The following SPAG16 variants were observed in gnomAD, a reference collection of about 807,000 sequenced individuals.
SPAG16 encodes sperm-associated antigen 16 protein.
Under a neutral mutation model 80.4 loss-of-function variants are expected in SPAG16, and 86 were observed. The observed-to-expected ratio is 1.07, with a 90% CI of 0.90 to 1.28. The LOEUF is 1.28. Ranked by LOEUF, SPAG16 falls within the 50% of genes most tolerant of loss-of-function variation. The probability of loss-of-function intolerance (pLI) is 0.00; values close to 1 mark genes in which losing one functional copy is unlikely to be tolerated. For missense variants in SPAG16, 870 were observed against 765.3 expected (o/e 1.14, Z -1.61); for synonymous variants, 294 against 265.9 (o/e 1.11, Z -1.03).
intron 10 of SPAG16, among the ~76,000 whole-genome samples, chr2:213,760,020 G>T (rs1251722868): frequency 6.6e-6 from 1 of 151,578 alleles, no homozygotes; most frequent in Admixed American, 6.6e-5. Context: ...GGGTGACAAA[G>T]CAAGACTCTG....
intron 13 of SPAG16, among the ~76,000 whole-genome samples, chr2:214,087,573 G>A (rs539123882): frequency 6.6e-6 from 1 of 151,970 alleles, no homozygotes; most frequent in South Asian, 2.1e-4. Flanking sequence ...AGTGGAGGTG[G>A]GAAGAAATTG....
intron 5 of SPAG16, chr2:213,317,594 T>A: frequency 2.6e-6 from 3 of 1,162,396 alleles, no homozygotes; most frequent in Non-Finnish European, 3.2e-6. Context: ...ATGGTACATT[T>A]TTTATATAAC....
rs889674683 is a variant in SPAG16, at chr2:213,766,872, A to G, written c.1071-95613A>G. 5.3e-5 allele frequency among the ~76,000 whole-genome samples: 8 copies of G among 152,172 alleles called. No homozygotes were observed. The East Asian group carries it at 7.7e-4, about 15-fold the overall frequency. On this transcript the variant is annotated intron_variant, in intron 10 of 15. Transcript: ENST00000331683. Reference sequence around the variant, plus strand: ...TTCTGGCCTGCAGCTTCCTTTCAACACTGTGATTTATTACCTGAGCACAAA... The same window carrying G: ...TTCTGGCCTGCAGCTTCCTTTCAACGCTGTGATTTATTACCTGAGCACAAA...
intron 14 of SPAG16, among the ~76,000 whole-genome samples, chr2:214,112,004 T>C (rs2053688773): frequency 6.6e-6 from 1 of 152,200 alleles, no homozygotes; most frequent in Admixed American, 6.5e-5. Flanking sequence ...AAGTTGCTTA[T>C]CAGCTTAAGG....
intron 15 of SPAG16, among the ~76,000 whole-genome samples, chr2:214,313,273 A>G (rs936955320): frequency 2.0e-5 from 3 of 152,124 alleles, no homozygotes; most frequent in African/African-American, 7.2e-5. Context: ...AACCAATACT[A>G]CTACTATCTA....
intron 12 of SPAG16, among the ~76,000 whole-genome samples, chr2:213,993,713 G>C (rs1056279070): frequency 3.9e-5 from 6 of 152,180 alleles, no homozygotes; most frequent in African/African-American, 1.4e-4. Flanking sequence ...ATAAAGTATA[G>C]TATAAAGTAA....
intron 15 of SPAG16, among the ~76,000 whole-genome samples, chr2:214,196,597 C>G (rs1454874628): frequency 6.6e-6 from 1 of 151,954 alleles, no homozygotes; most frequent in Admixed American, 6.6e-5. Flanking sequence ...AGAAGGTGCT[C>G]AGAAACTGCA....
intron 14 of SPAG16, among the ~76,000 whole-genome samples, chr2:214,122,565 TG>T (rs948844839): frequency 1.3e-5 from 2 of 151,866 alleles, no homozygotes; most frequent in Non-Finnish European, 2.9e-5. Flanking sequence ...TATCAATCTC[TG>T]GCCATTTTAT....
chr2:214,217,550 G>A (rs892922902), intron 15 of SPAG16, among the ~76,000 whole-genome samples: 12 of 152,084 alleles, frequency 7.9e-5, no homozygotes, highest in Admixed American at 5.2e-4. Flanking sequence ...TTTTATGAAA[G>A]TTTATCCCAC....
intron 15 of SPAG16, among the ~76,000 whole-genome samples, chr2:214,388,331 A>T (rs989774308): frequency 6.6e-6 from 1 of 152,144 alleles, no homozygotes; most frequent in South Asian, 2.1e-4. Flanking sequence ...AGGCCTTGGA[A>T]GGGCCTATAC....
chr2:214,071,608 C>A (rs1480265895), intron 13 of SPAG16, among the ~76,000 whole-genome samples: 1 of 152,160 alleles, frequency 6.6e-6, no homozygotes, highest in Non-Finnish European at 1.5e-5. Context: ...TTGGGAGTTA[C>A]TGGTGGATGT....
At chr2:213,461,810 A>G (rs776219144) in intron 9 of SPAG16, among the ~76,000 whole-genome samples, 1 of 152,186 alleles carries the variant, frequency 6.6e-6, no homozygotes, top group East Asian at 1.9e-4. Flanking sequence ...CAAAAATGCT[A>G]TAGGAATAGA....
intron 9 of SPAG16, among the ~76,000 whole-genome samples, chr2:213,446,490 CAG>C (rs1398316095): frequency 6.6e-6 from 1 of 152,164 alleles, no homozygotes; most frequent in Non-Finnish European, 1.5e-5. Flanking sequence ...GAAAGAATCT[CAG>C]AGCTCTAATA....
Position 213,659,467 on chromosome 2 carries a change from G to A in SPAG16, c.1070+169377G>A, listed in dbSNP as rs185803777. Reference sequence around the variant, plus strand: ...TTAAAAAATTGCAATTATAAAGTTAGGATAGTTACATCATTTTTTAAAATA... The same window carrying A: ...TTAAAAAATTGCAATTATAAAGTTAAGATAGTTACATCATTTTTTAAAATA... On this transcript the variant is annotated intron_variant, in intron 10 of 15. Transcript: ENST00000331683. 1.3e-3 allele frequency among the ~76,000 whole-genome samples: 204 copies of A among 152,120 alleles called. 1 individual carries two copies. Among genetic ancestry groups the A allele is most frequent in the Non-Finnish European group, 2.5e-4 (17 of 67,988 alleles).
At chr2:213,751,622 T>G (rs1394776976) in intron 10 of SPAG16, among the ~76,000 whole-genome samples, 2 of 152,202 alleles carry the variant, frequency 1.3e-5, no homozygotes, top group Non-Finnish European at 2.9e-5. Flanking sequence ...TATCTTCTAT[T>G]TTCTGCACTG....
intron 10 of SPAG16, among the ~76,000 whole-genome samples, chr2:213,516,766 T>C (rs1376212488): frequency 2.0e-5 from 3 of 152,234 alleles, no homozygotes; most frequent in African/African-American, 7.2e-5. Flanking sequence ...TAGGTAGCCT[T>C]TGAGTATAGC....
At chr2:213,518,052 T>A (rs1482447125) in intron 10 of SPAG16, among the ~76,000 whole-genome samples, 2 of 152,178 alleles carry the variant, frequency 1.3e-5, no homozygotes, top group Non-Finnish European at 2.9e-5. Context: ...TCACAAACTA[T>A]GCATCTGGCA....
intron 9 of SPAG16, among the ~76,000 whole-genome samples, chr2:213,440,143 A>G (rs968780599): frequency 6.6e-6 from 1 of 152,198 alleles, no homozygotes; most frequent in Admixed American, 6.5e-5. Flanking sequence ...AGCTTGCCCT[A>G]CAATTTAATT....
intron 13 of SPAG16, among the ~76,000 whole-genome samples, chr2:214,031,397 A>G (rs1288278054): frequency 5.7e-5 from 7 of 122,796 alleles, no homozygotes; most frequent in African/African-American, 1.9e-4. Flanking sequence ...ATGAGAACAC[A>G]TGGACACAGG....
Sources: allele counts gnomAD v4.1 joint callset (sites outside exome capture counted in the v4.1 genomes callset), GRCh38; gene constraint gnomAD v4.1.1; transcripts MANE v1.5; gene names NCBI Gene and HGNC (gene_info 2026-07-23, HGNC 2026-07-21).